Variants in PLEKHM2 observed in about 807,000 individuals in gnomAD.
PLEKHM2 encodes pleckstrin homology domain-containing family M member 2.
PLEKHM2 carries 77 observed loss-of-function variants against 116.3 expected under a neutral mutation model. The ratio of observed to expected loss-of-function variants is 0.66; its 90% CI spans 0.55 to 0.80. The LOEUF (loss-of-function observed/expected upper bound fraction) is 0.80, where lower values mean the gene tolerates loss of function less well. Among genes scored for constraint, PLEKHM2 ranks in the 30% least tolerant of loss-of-function variants. PLEKHM2 has a pLI of 0.00. For missense variants in PLEKHM2, 1,183 were observed against 1,354.9 expected, an observed-to-expected ratio of 0.87 and a Z score of 1.99; for synonymous variants, 562 against 571.0, an observed-to-expected ratio of 0.98 and a Z score of 0.22.
At chr1:15,718,152 G>A (rs997103031) in intron 4 of PLEKHM2, among the ~76,000 whole-genome samples, 160 bp downstream of exon 4, 5 of 152,216 alleles carry the variant, frequency 3.3e-5, no homozygotes, top group African/African-American at 9.6e-5. Flanking sequence ...CAGGAGCACC[G>A]GTGTCCCATC....
At chr1:15,690,694 A>G (rs1640872672) in intron 1 of PLEKHM2, among the ~76,000 whole-genome samples, 1 of 152,210 alleles carries the variant, frequency 6.6e-6, no homozygotes, top group Non-Finnish European at 1.5e-5. Flanking sequence ...GTTTTTGCAC[A>G]TTAGGCTTGT....
In PLEKHM2 at chr1:15,730,732, C is replaced by T; in HGVS notation, c.2399+10C>T. Reference sequence around the variant, plus strand: ...GCTTCGTGGTGCTCAGGTGGGAGCCCTGGCAGCTCTAGGCCTGGGGCTTGG... The same window carrying T: ...GCTTCGTGGTGCTCAGGTGGGAGCCTTGGCAGCTCTAGGCCTGGGGCTTGG... On this transcript the variant is annotated intron_variant, in intron 15 of 19. Coordinates refer to ENST00000375799, the MANE Select transcript of PLEKHM2 (RefSeq NM_015164.4). The T allele has an allele frequency of 6.3e-7, 1 of 1,584,226 alleles. No individual in the cohort carries two copies. Among genetic ancestry groups the T allele is most frequent in the Non-Finnish European group, 8.6e-7 (1 of 1,165,730 alleles).
intron 1 of PLEKHM2, among the ~76,000 whole-genome samples, chr1:15,710,660 G>A (rs925974641): frequency 1.3e-5 from 2 of 152,192 alleles, no homozygotes; most frequent in African/African-American, 4.8e-5. Flanking sequence ...TGTTGAGGGG[G>A]CTGGGGTGGA....
intron 1 of PLEKHM2, among the ~76,000 whole-genome samples, chr1:15,703,340 G>C (rs1490135776): frequency 7.9e-6 from 1 of 127,286 alleles, no homozygotes; most frequent in African/African-American, 4.3e-5. Context: ...CATCTGTCCA[G>C]CCTCTCCTGT....
chr1:15,729,648 C>T lies in PLEKHM2; in HGVS notation c.2076-149C>T, dbSNP rs1206651035. 2.7e-5 allele frequency: 18 copies of T among 657,362 alleles called. No homozygotes were observed. The East Asian group carries it at 4.5e-4, about 16-fold the overall frequency. The allele number at this position is 657,362 out of a possible 1,614,324, so 40.7% of individuals were successfully genotyped here. A position where few individuals can be genotyped will look rare whatever the true frequency, so the allele number is the denominator to read the frequency against. Reference sequence around the variant, plus strand: ...TGATGACCTTGGACCTGCGTCATTGCCGCACCTGCCGCCCTGGTCACTGGG... The same window carrying T: ...TGATGACCTTGGACCTGCGTCATTGTCGCACCTGCCGCCCTGGTCACTGGG... On this transcript the variant is annotated intron_variant, in intron 13 of 19. Coordinates refer to ENST00000375799, the MANE Select transcript of PLEKHM2 (RefSeq NM_015164.4). This position sits in a 1 kb window ranked among gnomAD's most constrained non-coding sequence, Gnocchi z 4.7.
Position 15,732,482 on chromosome 1 carries a change from G to A in PLEKHM2, c.2758G>A (p.Asp920Asn), listed in dbSNP as rs200570089. 5.8e-5 allele frequency: 93 copies of A among 1,607,046 alleles called. No individual in the cohort carries two copies. Among genetic ancestry groups the A allele is most frequent in the African/African-American group, 1.5e-4 (11 of 74,966 alleles). The stretch of plus-strand genomic sequence containing the variant: ...CTCTTTGGGCACAGCCAAGCTGGGC[G>A]ACATCAGCGCCGTCTCCACCGAGCC... ...FRSLGTAKLG[D>N]ISAVSTEPGK... Residue 920 changes from aspartate (D) to asparagine (N), a missense_variant, in exon 18 of 20, where the codon GAC becomes AAC. By Grantham distance (23) the Asp-to-Asn change is conservative. Transcript: ENST00000375799.
chr1:15,729,239 C>T lies in PLEKHM2; in HGVS notation c.2075+49C>T, dbSNP rs1164786349. ...GGAAGGATTGGAGAGTTCGCAGCCG[C>T]CCATAGGTGTGGGTGGCCTGGGGGT... On this transcript the variant is annotated intron_variant, in intron 13 of 19. Coordinates refer to ENST00000375799, the MANE Select transcript of PLEKHM2 (RefSeq NM_015164.4). The surrounding 1 kb of genome is among the most constrained non-coding windows in gnomAD (Gnocchi z 4.7). 1.3e-6 allele frequency: 2 copies of T among 1,508,652 alleles called. No homozygotes were observed. Among genetic ancestry groups the T allele is most frequent in the Non-Finnish European group, 1.8e-6 (2 of 1,100,528 alleles). 93.5% of individuals were successfully genotyped at this position (1,508,652 alleles called of 1,614,324 possible). A position where few individuals can be genotyped will look rare whatever the true frequency, so the allele number is the denominator to read the frequency against.
intron 15 of PLEKHM2, among the ~76,000 whole-genome samples, chr1:15,730,964 C>A (rs2068134650): frequency 6.6e-6 from 1 of 152,160 alleles, no homozygotes; most frequent in South Asian, 2.1e-4. Context: ...CAGGCTTGGT[C>A]CCCCGATGAA....
In PLEKHM2 at chr1:15,732,049, G is replaced by T. The variant is rs544648440; in HGVS notation, c.2625+1G>T. ...TCTCTGCCAGGCTGTGTCCAAAGGGGTGAGCTTCGCCTGCCCCTACCGCTC... is the reference window on the plus strand; with the variant it reads ...TCTCTGCCAGGCTGTGTCCAAAGGGTTGAGCTTCGCCTGCCCCTACCGCTC... On this transcript the variant is annotated splice_donor_variant, in intron 17 of 19. Transcript: ENST00000375799. LOFTEE classifies it high-confidence loss of function. 6.2e-7 allele frequency: 1 copy of T among 1,609,408 alleles called. No individual in the cohort carries two copies. The highest frequency in any genetic ancestry group is 1.7e-5 in the Admixed American group (1 of 59,724).
At chr1:15,726,358 T>C (rs769687177) in intron 8 of PLEKHM2, among the ~76,000 whole-genome samples, 1 of 152,080 alleles carries the variant, frequency 6.6e-6, no homozygotes, top group Non-Finnish European at 1.5e-5. Flanking sequence ...AACTTCACAC[T>C]GACTAAGAGG....
In PLEKHM2 at chr1:15,720,401, TC is replaced by T; in HGVS notation, c.652+483del. The T allele has an allele frequency of 6.1e-6, 6 of 985,168 alleles. No homozygotes were observed. In the South Asian group the frequency reaches 1.9e-4, roughly 31 times the overall value. The allele number at this position is 985,168 out of a possible 1,614,324, so 61.0% of individuals were successfully genotyped here. A position where few individuals can be genotyped will look rare whatever the true frequency, so the allele number is the denominator to read the frequency against. ...CTTGCCACTGTGTCCTGTGTGTCCG[TC>T]CGATTTCTCTGAGTTCCTTCTGCGC... On this transcript the variant is annotated intron_variant, in intron 6 of 19. Coordinates refer to ENST00000375799, the MANE Select transcript of PLEKHM2 (RefSeq NM_015164.4).
At position 15,733,898 on chromosome 1, in the gene PLEKHM2, C is replaced by T. The variant is rs1342848467; in HGVS notation, c.3024C>T (p.Leu1008=). 1 of 1,612,846 alleles carries T rather than the reference C, an allele frequency of 6.2e-7. No homozygotes were observed. The highest frequency in any genetic ancestry group is 1.7e-5 in the Admixed American group (1 of 60,018). The change falls in exon 20 of 20, where the codon CTC becomes CTT. Residue 1008 remains leucine (L), a synonymous_variant. Coordinates refer to ENST00000375799, the MANE Select transcript of PLEKHM2 (RefSeq NM_015164.4). ...IHSAWQRSDS[L]CRGRASRDPW... ...GCGCCTGGCAGCGGAGCGACAGTCT[C>T]TGCCGCGGCCGAGCCTCCCGAGACC...
Position 15,734,416 on chromosome 1 carries a change from C to T in PLEKHM2, c.*482C>T, listed in dbSNP as rs536395207. On this transcript the variant is annotated 3_prime_UTR_variant, in exon 20 of 20. Coordinates refer to ENST00000375799, the MANE Select transcript of PLEKHM2 (RefSeq NM_015164.4). ...GGGAAGCGGGAACACGGGGTGTCTG[C>T]GCATGTTTCCTCCTCCTAGCTCCAT... The T allele has an allele frequency of 3.1e-4, 50 of 159,142 alleles. No individual in the cohort carries two copies. The highest frequency in any genetic ancestry group is 1.0e-3 in the African/African-American group (42 of 41,644). 9.9% of individuals were successfully genotyped at this position (159,142 alleles called of 1,614,324 possible).
chr1:15,711,891 G>A (rs1364606884), intron 1 of PLEKHM2, among the ~76,000 whole-genome samples: 4 of 152,030 alleles, frequency 2.6e-5, no homozygotes, highest in African/African-American at 7.2e-5. Flanking sequence ...GGCTGAGGCG[G>A]GTGGATCATC....
At position 15,721,222 on chromosome 1, in the gene PLEKHM2, C is replaced by T; in HGVS notation, c.653-107C>T. Reference sequence around the variant, plus strand: ...CAATGTAGAAAGTTGAAGTTTTCCTCTCCTATTTTCTCCCCATGTCTCCCA... The same window carrying T: ...CAATGTAGAAAGTTGAAGTTTTCCTTTCCTATTTTCTCCCCATGTCTCCCA... On this transcript the variant is annotated intron_variant, in intron 6 of 19. Transcript: ENST00000375799. This position sits in a 1 kb window ranked among gnomAD's most constrained non-coding sequence, Gnocchi z 5.1. 1 of 729,634 alleles carries T rather than the reference C, an allele frequency of 1.4e-6. No individual in the cohort carries two copies. The highest frequency in any genetic ancestry group is 2.4e-6 in the Non-Finnish European group (1 of 412,436). 45.2% of individuals were successfully genotyped at this position (729,634 alleles called of 1,614,324 possible).
At chr1:15,685,088 C>G (rs994087416) in intron 1 of PLEKHM2, among the ~76,000 whole-genome samples, 1 of 152,256 alleles carries the variant, frequency 6.6e-6, no homozygotes, top group East Asian at 1.9e-4. Context: ...GACATTGCCT[C>G]TGCTCCTGGG....
Position 15,729,332 on chromosome 1 carries a change from T to C in PLEKHM2, c.2075+142T>C. On this transcript the variant is annotated intron_variant, in intron 13 of 19. Coordinates refer to ENST00000375799, the MANE Select transcript of PLEKHM2 (RefSeq NM_015164.4). The surrounding 1 kb of genome is among the most constrained non-coding windows in gnomAD (Gnocchi z 4.7). ...AGATGTATTCCCTCTGGAACCTGCA[T>C]CTGCTCAGAGAGGCAGGCAAGTAGA... 1.4e-6 allele frequency: 1 copy of C among 727,072 alleles called. No homozygotes were observed. The highest frequency in any genetic ancestry group is 2.1e-5 in the Admixed American group (1 of 47,804). 45.0% of individuals were successfully genotyped at this position (727,072 alleles called of 1,614,324 possible).
intron 1 of PLEKHM2, among the ~76,000 whole-genome samples, chr1:15,698,014 T>G (rs968991603): frequency 6.6e-6 from 1 of 152,102 alleles, no homozygotes; most frequent in Admixed American, 6.5e-5. Flanking sequence ...AAGCATTGAT[T>G]TCACCAAACT....
Position 15,708,848 on chromosome 1 carries a change from G to A in PLEKHM2, c.61-7389G>A, listed in dbSNP as rs571779346. 3.9e-5 allele frequency among the ~76,000 whole-genome samples: 6 copies of A among 152,238 alleles called. No homozygotes were observed. In the South Asian group the frequency reaches 1.2e-3, roughly 32 times the overall value. On this transcript the variant is annotated intron_variant, in intron 1 of 19. Coordinates refer to ENST00000375799, the MANE Select transcript of PLEKHM2 (RefSeq NM_015164.4). ...TGTGACCTACTTACGGGGCTGCGGT[G>A]GTGATTAAATTACGTTTGAAAAGTG...
Sources: allele counts gnomAD v4.1 joint callset (sites outside exome capture counted in the v4.1 genomes callset), GRCh38; gene constraint gnomAD v4.1.1; non-coding constraint Gnocchi (gnomAD v3.1); transcripts MANE v1.5; gene names NCBI Gene and HGNC (gene_info 2026-07-23, HGNC 2026-07-21).